TRIM2: variants seen among roughly 807,000 people sequenced by gnomAD.
TRIM2 encodes tripartite motif containing 2.
TRIM2 carries 20 observed loss-of-function variants against 75.2 expected under a neutral mutation model. The ratio of observed to expected loss-of-function variants is 0.27; its 90% confidence interval spans 0.19 to 0.39. The LOEUF (loss-of-function observed/expected upper bound fraction) is 0.39, where lower values mean the gene tolerates loss of function less well. Among genes scored for constraint, TRIM2 ranks in the 10% least tolerant of loss-of-function variants. The pLI, the probability that TRIM2 is intolerant of heterozygous loss-of-function variation, is 1.00. For missense variants in TRIM2, 660 were observed against 990.8 expected (o/e 0.67, Z 4.48); for synonymous variants, 373 against 388.3 (o/e 0.96, Z 0.46).
chr4:153,265,928 C>T (rs1310848237), intron 1 of TRIM2, among the ~76,000 whole-genome samples: 7 of 152,184 alleles, frequency 4.6e-5, no homozygotes, highest in Admixed American at 4.6e-4. Flanking sequence ...TTAAGACAGA[C>T]AAGTCCATTC....
chr4:153,277,835 A>G (rs1758368019), intron 3 of TRIM2, among the ~76,000 whole-genome samples: 1 of 152,160 alleles, frequency 6.6e-6, no homozygotes, highest in South Asian at 2.1e-4. Flanking sequence ...ATGCCAAGGG[A>G]AATTGATCAT....
At chr4:153,165,625 G>A (rs1416404863) in intron 1 of TRIM2, among the ~76,000 whole-genome samples, 3 of 152,028 alleles carry the variant, frequency 2.0e-5, no homozygotes, top group Admixed American at 1.3e-4. Flanking sequence ...CTACCCCGAC[G>A]CTTCTTAGTT....
chr4:153,225,990 C>T (rs775632338), intron 1 of TRIM2, among the ~76,000 whole-genome samples: 2 of 152,190 alleles, frequency 1.3e-5, no homozygotes, highest in Non-Finnish European at 2.9e-5. Flanking sequence ...CCCACCTCAG[C>T]CTCCCGAGTA....
intron 1 of TRIM2, among the ~76,000 whole-genome samples, chr4:153,196,880 A>G (rs1207198953): frequency 6.6e-6 from 1 of 152,226 alleles, no homozygotes; most frequent in African/African-American, 2.4e-5. Flanking sequence ...AGATGAGCAA[A>G]GGGCTCCCAG....
chr4:153,235,319 C>G (rs1466620544), intron 1 of TRIM2, among the ~76,000 whole-genome samples: 1 of 151,316 alleles, frequency 6.6e-6, no homozygotes, highest in Non-Finnish European at 1.5e-5. Flanking sequence ...AGGTCTTGCT[C>G]TGTTGCCCAG....
intron 6 of TRIM2, chr4:153,308,448 G>C: frequency 1.3e-6 from 1 of 797,612 alleles, no homozygotes; most frequent in Non-Finnish European, 2.3e-6. Context: ...ATACTGAGCA[G>C]GTGTCTTTAA....
intron 1 of TRIM2, among the ~76,000 whole-genome samples, chr4:153,169,104 C>CTCATAGTGTTGAT (rs1297510089): frequency 6.6e-6 from 1 of 152,162 alleles, no homozygotes; most frequent in African/African-American, 2.4e-5. Flanking sequence ...AAAATACATT[C>CTCATAGTGTTGAT]TCATAGTGTT....
intron 1 of TRIM2, among the ~76,000 whole-genome samples, chr4:153,237,190 A>T (rs2149824026): frequency 6.6e-6 from 1 of 152,230 alleles, no homozygotes; most frequent in African/African-American, 2.4e-5. Flanking sequence ...TGACTCTTAA[A>T]TATATTTCTT....
Position 153,163,493 on chromosome 4 carries a change from ATC to A in TRIM2, c.-49+10225_-49+10226del, listed in dbSNP as rs1491244644. On this transcript the variant is annotated intron_variant, in intron 1 of 11. Coordinates refer to the TRIM2 transcript ENST00000437508. Reference sequence around the variant, plus strand: ...ACCACTGCACCCAACCTAGATTTACATCTTTTTTTTTTTTTTTTTTTTTTTTG... The same window carrying A: ...ACCACTGCACCCAACCTAGATTTACATTTTTTTTTTTTTTTTTTTTTTTTG... Among the ~76,000 whole-genome samples, 15 of 80,910 alleles carry A rather than the reference ATC, an allele frequency of 1.9e-4. 1 individual carries two copies. The highest frequency in any genetic ancestry group is 5.3e-4 in the Admixed American group (4 of 7,558). The allele number at this position is 80,910 out of a possible 152,430, so 53.1% of individuals were successfully genotyped here.
At chr4:153,315,371 A>G (rs1204786994) in intron 6 of TRIM2, 114 bp from the exon 7 acceptor site, 2 of 796,864 alleles carry the variant, frequency 2.5e-6, no homozygotes, top group Admixed American at 3.1e-5. Flanking sequence ...TTTAAAGTAT[A>G]TTTAAAAACA....
chr4:153,200,954 AT>A (rs1734298240), upstream of TRIM2, among the ~76,000 whole-genome samples: 4 of 150,898 alleles, frequency 2.7e-5, no homozygotes, highest in South Asian at 8.4e-4. Context: ...GCCTGGTCTC[AT>A]TTGGTTTTTT....
At chr4:153,228,573 C>T (rs1742775422) in intron 1 of TRIM2, among the ~76,000 whole-genome samples, 1 of 152,228 alleles carries the variant, frequency 6.6e-6, no homozygotes, top group African/African-American at 2.4e-5. Context: ...AAACTCAATT[C>T]AACAGTTACA....
At position 153,337,851 on chromosome 4, in the gene TRIM2, C is replaced by T. The variant is rs893923022; in HGVS notation, c.*2885C>T. The T allele has an allele frequency of 1.0e-5, 10 of 985,604 alleles. No individual in the cohort carries two copies. The highest frequency in any genetic ancestry group is 1.2e-5 in the Non-Finnish European group (10 of 829,942). The allele number at this position is 985,604 out of a possible 1,614,324, so 61.1% of individuals were successfully genotyped here. A position where few individuals can be genotyped will look rare whatever the true frequency, so the allele number is the denominator to read the frequency against. ...CTGGGCACGTAAGGCAAAATATTGC[C>T]GGTTGGGATTTCAAGGTCAGTGACG... is the stretch of plus-strand genomic sequence containing the variant. On this transcript the variant is annotated 3_prime_UTR_variant, in exon 12 of 12. Transcript: ENST00000338700.
chr4:153,172,770 G>A (rs534250798), intron 1 of TRIM2, among the ~76,000 whole-genome samples: 1 of 152,106 alleles, frequency 6.6e-6, no homozygotes, highest in Non-Finnish European at 1.5e-5. Context: ...GGGGTAGTTC[G>A]ACAAGGACTG....
chr4:153,169,003 C>A (rs1299318348), intron 1 of TRIM2, among the ~76,000 whole-genome samples: 1 of 152,170 alleles, frequency 6.6e-6, no homozygotes, highest in East Asian at 1.9e-4. Context: ...ATCACTTGAG[C>A]TTGAGAGGCC....
intron 3 of TRIM2, among the ~76,000 whole-genome samples, chr4:153,284,786 GTTGT>G (rs1400847625): frequency 6.6e-6 from 1 of 152,034 alleles, no homozygotes; most frequent in Non-Finnish European, 1.5e-5. Flanking sequence ...TTTGAATTGC[GTTGT>G]TTATCTTTTT....
At chr4:153,285,508 A>T (rs988431316) in intron 3 of TRIM2, among the ~76,000 whole-genome samples, 50 of 152,046 alleles carry the variant, frequency 3.3e-4, no homozygotes, top group African/African-American at 6.3e-4. Flanking sequence ...GGATTTTTTT[A>T]AAAAAATAGA....
At chr4:153,226,238 T>A (rs548766941) in intron 1 of TRIM2, among the ~76,000 whole-genome samples, 6 of 152,348 alleles carry the variant, frequency 3.9e-5, no homozygotes, top group African/African-American at 1.4e-4. Context: ...ATTTTCAATA[T>A]TTTCCTTTTT....
At chr4:153,313,627 C>CTTTTTTTTTTTTTTT (rs398051309) in intron 6 of TRIM2, among the ~76,000 whole-genome samples, 1 of 98,528 alleles carries the variant, frequency 1.0e-5, no homozygotes, top group African/African-American at 4.5e-5. Context: ...AGCAATGGCT[C>CTTTTTTTTTTTTTTT]TTTTTTTTTT....
Sources: gnomAD v4.1 joint callset for allele counts (sites outside exome capture counted in the v4.1 genomes callset) on GRCh38, gnomAD v4.1.1 for gene constraint, MANE v1.5 for transcripts, NCBI Gene and HGNC (gene_info 2026-07-23, HGNC 2026-07-21) for gene names.